The following CDCA3 variants were observed in gnomAD, a reference collection of about 807,000 sequenced individuals.
CDCA3 encodes the protein cell division cycle-associated protein 3.
A neutral mutation model predicts 29.1 loss-of-function variants in CDCA3; 16 were observed. The ratio of observed to expected loss-of-function variants is 0.55; its 90% CI spans 0.37 to 0.83. The LOEUF (loss-of-function observed/expected upper bound fraction) is 0.83, where lower values mean the gene tolerates loss of function less well. CDCA3 is among the 40% of genes least tolerant of loss of function. The pLI is 0.00. For synonymous variants in CDCA3, 88 were observed against 124.5 expected (o/e 0.71, Z 1.95); for missense variants, 291 against 327.2 (o/e 0.89, Z 0.85).
At chr12:6,846,772 C>T (rs782709542), downstream of CDCA3, 35 of 1,441,252 alleles carry the variant, frequency 2.4e-5, no homozygotes, top group Middle Eastern at 5.2e-4. Flanking sequence ...GACAGGCTGA[C>T]TCCTTTCCCT....
downstream of CDCA3, chr12:6,845,347 G>A (rs541614960): frequency 3.1e-4 from 159 of 505,612 alleles, 1 homozygote; most frequent in Middle Eastern, 1.0e-3. Flanking sequence ...TGCCTGCGAC[G>A]TGGAAATGAT....
At position 6,849,811 on chromosome 12, in the gene CDCA3, C is replaced by G. The variant is rs375991472; in HGVS notation, c.298G>C (p.Glu100Gln). ...GGGGGAAGATTTGATTTAGAGTCTT[C>G]AGTTTCAAATACTTCACTCAGCTGT... ...VKQLSEVFETEDSKSNLPPEP... is the reference protein window; with the variant it reads ...VKQLSEVFETQDSKSNLPPEP... Residue 100 changes from glutamate to glutamine, a missense_variant, in exon 4 of 6, where the codon GAA (glutamate) becomes CAA (glutamine). Glu to Gln is a conservative substitution (Grantham distance 29). Coordinates refer to ENST00000538862, the MANE Select transcript of CDCA3 (RefSeq NM_031299.7). The surrounding 1 kb of genome is among the most constrained non-coding windows in gnomAD (Gnocchi z 5.2). 1.9e-6 allele frequency: 3 copies of G among 1,579,130 alleles called. No individual in the cohort carries two copies. The highest frequency in any genetic ancestry group is 1.7e-4 in the Middle Eastern group (1 of 5,876).
At chr12:6,845,810 C>A, downstream of CDCA3, 3 of 1,596,148 alleles carry the variant, frequency 1.9e-6, no homozygotes, top group Non-Finnish European at 2.6e-6. Flanking sequence ...TGGGTAAGGG[C>A]CAGCCCTGGC....
At chr12:6,846,762 G>C (rs1555124813), downstream of CDCA3, 14 of 1,315,496 alleles carry the variant, frequency 1.1e-5, no homozygotes, top group Non-Finnish European at 1.5e-5. Context: ...AGCTTGGAGA[G>C]ACAGGCTGAC....
At chr12:6,846,754 C>A, downstream of CDCA3, 2 of 1,224,056 alleles carry the variant, frequency 1.6e-6, no homozygotes, top group Non-Finnish European at 2.4e-6. Context: ...TCCAAATCAG[C>A]TTGGAGAGAC....
chr12:6,847,735 T>C (rs1950871439), downstream of CDCA3, among the ~76,000 whole-genome samples: 1 of 152,094 alleles, frequency 6.6e-6, no homozygotes, highest in African/African-American at 2.4e-5. Flanking sequence ...CTGAGCAGAG[T>C]AGTAACATGA....
downstream of CDCA3, chr12:6,845,693 C>A (rs1943679423): frequency 6.2e-7 from 1 of 1,614,054 alleles, no homozygotes; most frequent in Non-Finnish European, 8.5e-7. Context: ...ACGAGAGCAT[C>A]ATCTGCGGCA....
chr12:6,845,291 C>T (rs782612599), downstream of CDCA3: 328 of 378,044 alleles, frequency 8.7e-4, no homozygotes, highest in African/African-American at 5.5e-3. Context: ...GGACAACCTC[C>T]GTCCGCCCTT....
downstream of CDCA3, chr12:6,846,603 A>G: frequency 1.9e-6 from 1 of 520,692 alleles, no homozygotes; most frequent in Non-Finnish European, 3.5e-6. Flanking sequence ...CCCTGCATGC[A>G]TGTGCTCAAG....
Position 6,851,253 on chromosome 12 carries a change from A to G in CDCA3, c.-89T>C, listed in dbSNP as rs782675018. ...CCAATTCCACCTCTGGATGCACAAC[A>G]GCTCGTGGCTCAACTCCCGAAGTTA... is the stretch of plus-strand genomic sequence containing the variant. On this transcript the variant is annotated 5_prime_UTR_variant, in exon 1 of 6. Coordinates refer to ENST00000538862, the MANE Select transcript of CDCA3 (RefSeq NM_031299.7). 617 of 1,162,766 alleles carry G rather than the reference A, an allele frequency of 5.3e-4. 1 individual carries two copies. The highest frequency in any genetic ancestry group is 7.0e-4 in the Admixed American group (16 of 22,756). The allele number at this position is 1,162,766 out of a possible 1,614,324, so 72.0% of individuals were successfully genotyped here. A position where few individuals can be genotyped will look rare whatever the true frequency, so the allele number is the denominator to read the frequency against.
intron 1 of CDCA3, 62 bp from the exon 2 acceptor site, chr12:6,851,071 C>A (rs371719487): frequency 1.8e-5 from 26 of 1,438,454 alleles, no homozygotes; most frequent in Middle Eastern, 2.5e-4. Context: ...CAACCCTAAA[C>A]CACCCTGTCT....
At position 6,850,580 on chromosome 12, in the gene CDCA3, T is replaced by C. The variant is rs1943837620; in HGVS notation, c.137A>G (p.Gln46Arg). 6.2e-7 allele frequency: 1 copy of C among 1,614,018 alleles called. No homozygotes were observed. The highest frequency in any genetic ancestry group is 1.1e-5 in the South Asian group (1 of 91,086). ...RTPIQVESSP[Q>R]PGLPAGEQLE... ...TTGCTCCCCTGCTGGTAGGCCTGGCTGTGGAGAGCTCTCCACCTGTCAAGA... is the reference window on the plus strand; with the variant it reads ...TTGCTCCCCTGCTGGTAGGCCTGGCCGTGGAGAGCTCTCCACCTGTCAAGA... The change falls in exon 3 of 6, where the codon CAG (glutamine) becomes CGG (arginine). Residue 46 changes from glutamine (Q) to arginine (R), a missense_variant. Gln to Arg is a conservative substitution (Grantham distance 43). Transcript: ENST00000538862. This position sits in a 1 kb window ranked among gnomAD's most constrained non-coding sequence, Gnocchi z 4.7.
At position 6,849,503 on chromosome 12, in the gene CDCA3, G is replaced by A. The variant is rs1943785932; in HGVS notation, c.544+62C>T. ...GTTTATTCCTCCCACACTCACCCAT[G>A]GACCTTATCCCAAAACATTATCCTA... On this transcript the variant is annotated intron_variant, in intron 4 of 5. Coordinates refer to ENST00000538862, the MANE Select transcript of CDCA3 (RefSeq NM_031299.7). This position sits in a 1 kb window ranked among gnomAD's most constrained non-coding sequence, Gnocchi z 5.2. 16 of 1,564,280 alleles carry A rather than the reference G, an allele frequency of 1.0e-5. No homozygotes were observed. Among genetic ancestry groups the A allele is most frequent in the Non-Finnish European group, 1.4e-5 (16 of 1,152,782 alleles).
In CDCA3 at chr12:6,849,735, G is replaced by A. The variant is rs1555125838; in HGVS notation, c.374C>T (p.Pro125Leu). ...CTCAACAGATAACTGGGTACCCAGA[G>A]GCAAGTCCAATTCAGAAGATAAAGG... ...EAPLSSELDL[P>L]LGTQLSVEEQ... The change falls in exon 4 of 6, where the codon CCT (proline) becomes CTT (leucine). Residue 125 changes from proline (P) to leucine (L), a missense_variant. By Grantham distance (98) the Pro-to-Leu change is moderately conservative (BLOSUM62 -3). Coordinates refer to ENST00000538862, the MANE Select transcript of CDCA3 (RefSeq NM_031299.7). This position sits in a 1 kb window ranked among gnomAD's most constrained non-coding sequence, Gnocchi z 5.2. 5 of 1,613,872 alleles carry A rather than the reference G, an allele frequency of 3.1e-6. No homozygotes were observed. In the African/African-American group the frequency reaches 4.0e-5, roughly 13 times the overall value.
downstream of CDCA3, chr12:6,846,098 C>A (rs782717362): frequency 5.2e-5 from 20 of 385,494 alleles, no homozygotes; most frequent in East Asian, 8.4e-4. Flanking sequence ...ATTTCAGGGG[C>A]ACCCACTGAG....
chr12:6,845,379 G>C, downstream of CDCA3: 1 of 586,598 alleles, frequency 1.7e-6, no homozygotes, highest in Non-Finnish European at 3.1e-6. Flanking sequence ...GCGCTGTATA[G>C]TGCAGAGCGG....
downstream of CDCA3, chr12:6,846,804 G>A: frequency 1.3e-6 from 2 of 1,592,462 alleles, no homozygotes; most frequent in East Asian, 2.3e-5. Context: ...ATCCTCTCTG[G>A]CCACGATAAC....
chr12:6,845,830 C>T (rs782103541), downstream of CDCA3: 8 of 1,543,046 alleles, frequency 5.2e-6, no homozygotes, highest in South Asian at 8.9e-5. Flanking sequence ...CTGCTGCTTC[C>T]TCAGCTGGAA....
downstream of CDCA3, chr12:6,846,875 A>G: frequency 6.3e-7 from 1 of 1,592,300 alleles, no homozygotes; most frequent in East Asian, 2.3e-5. Context: ...TTCCTGGGAC[A>G]GCTTCCTCAA....
Sources: gnomAD v4.1 joint callset for allele counts (sites outside exome capture counted in the v4.1 genomes callset) on GRCh38, gnomAD v4.1.1 for gene constraint, Gnocchi (gnomAD v3.1) non-coding constraint, MANE v1.5 for transcripts, NCBI Gene and HGNC (gene_info 2026-07-23, HGNC 2026-07-21) for gene names.